The following ADGRL3 variants were observed in gnomAD, a reference collection of about 807,000 sequenced individuals.
ADGRL3 encodes adhesion G protein-coupled receptor L3, also known as calcium-independent alpha-latrotoxin receptor 3.
Under a neutral mutation model 153.5 loss-of-function variants are expected in ADGRL3, and 62 were observed. That is an observed-to-expected ratio of 0.40 (90% CI 0.33 to 0.50). The LOEUF is 0.50. Among genes scored for constraint, ADGRL3 ranks in the 20% least tolerant of loss-of-function variants. The pLI, the probability that ADGRL3 is intolerant of heterozygous loss-of-function variation, is 0.47. For missense variants in ADGRL3, 1,641 were observed against 1,859.4 expected, an observed-to-expected ratio of 0.88 and a Z score of 2.16; for synonymous variants, 710 against 672.5, an observed-to-expected ratio of 1.06 and a Z score of -0.86.
intron 9 of ADGRL3, among the ~76,000 whole-genome samples, chr4:61,835,254 C>G (rs2148917029): frequency 6.7e-6 from 1 of 148,810 alleles, no homozygotes; most frequent in African/African-American, 2.5e-5. Flanking sequence ...GGCTCCTCCT[C>G]TGTTTTTCCC....
At chr4:61,792,690 A>G (rs2097358013) in intron 8 of ADGRL3, among the ~76,000 whole-genome samples, 1 of 151,848 alleles carries the variant, frequency 6.6e-6, no homozygotes, top group African/African-American at 2.4e-5. Context: ...GAGTTTCACC[A>G]TGTTGGTCAT....
intron 13 of ADGRL3, among the ~76,000 whole-genome samples, chr4:61,913,569 G>A (rs2098731932): frequency 6.6e-6 from 1 of 152,126 alleles, no homozygotes; most frequent in African/African-American, 2.4e-5. Flanking sequence ...TATGAGATTG[G>A]CAGTTTAAAA....
chr4:61,456,380 T>G (rs1578962587), intron 2 of ADGRL3, among the ~76,000 whole-genome samples: 1 of 105,914 alleles, frequency 9.4e-6, no homozygotes, highest in African/African-American at 3.4e-5. Context: ...TATATCTATA[T>G]ATATATATAG....
chr4:61,886,824 T>A (rs2098542276), intron 9 of ADGRL3, among the ~76,000 whole-genome samples: 1 of 151,772 alleles, frequency 6.6e-6, no homozygotes, highest in Non-Finnish European at 1.5e-5. Context: ...TTTTTTGTAT[T>A]TTTAGTAGAG....
intron 3 of ADGRL3, among the ~76,000 whole-genome samples, chr4:61,511,010 T>TA (rs1299051883): frequency 3.3e-5 from 5 of 152,284 alleles, no homozygotes; most frequent in East Asian, 1.9e-4. Flanking sequence ...CTAGATTTTT[T>TA]ATTTTCTTGA....
intron 6 of ADGRL3, among the ~76,000 whole-genome samples, chr4:61,692,656 C>G (rs893569194): frequency 6.6e-6 from 1 of 152,042 alleles, no homozygotes; most frequent in Non-Finnish European, 1.5e-5. Context: ...GTTGGCTAGG[C>G]TGGTCTCGAA....
At chr4:61,820,950 G>A (rs1469774048) in intron 9 of ADGRL3, among the ~76,000 whole-genome samples, 1 of 152,140 alleles carries the variant, frequency 6.6e-6, no homozygotes, top group Non-Finnish European at 1.5e-5. Flanking sequence ...GGTTGGGTGG[G>A]AATTTGTGTT....
chr4:61,577,340 A>G (rs1175697391), intron 4 of ADGRL3, among the ~76,000 whole-genome samples: 1 of 151,914 alleles, frequency 6.6e-6, no homozygotes, highest in Non-Finnish European at 1.5e-5. Flanking sequence ...CAAAATTAAA[A>G]TTTTGTATAG....
At chr4:61,811,268 A>G (rs1041584561) in intron 8 of ADGRL3, among the ~76,000 whole-genome samples, 3 of 152,272 alleles carry the variant, frequency 2.0e-5, no homozygotes, top group East Asian at 3.9e-4. Context: ...TAAATGTAGT[A>G]TGTCTATGCA....
intron 1 of ADGRL3, among the ~76,000 whole-genome samples, chr4:61,358,034 A>G (rs2096210642): frequency 6.6e-6 from 1 of 152,168 alleles, no homozygotes; most frequent in Non-Finnish European, 1.5e-5. Flanking sequence ...TGCTGATCAA[A>G]TATTTCTCTT....
At chr4:61,653,166 TCTCTCACACACACACACA>T (rs2094325437) in intron 5 of ADGRL3, among the ~76,000 whole-genome samples, 1 of 135,042 alleles carries the variant, frequency 7.4e-6, no homozygotes, top group African/African-American at 2.9e-5. Context: ...TCTCTCTCTC[TCTCTCACACACACACACA>T]CACACACACA....
intron 25 of ADGRL3, among the ~76,000 whole-genome samples, chr4:62,053,871 G>A (rs1735581206): frequency 6.6e-6 from 1 of 151,404 alleles, no homozygotes; most frequent in Non-Finnish European, 1.5e-5. Context: ...CCAATACTGG[G>A]CAGTGAGTTA....
At chr4:61,848,337 G>A (rs970519131) in intron 9 of ADGRL3, among the ~76,000 whole-genome samples, 4 of 150,790 alleles carry the variant, frequency 2.7e-5, no homozygotes, top group Non-Finnish European at 5.9e-5. Flanking sequence ...AAGCCTCTAG[G>A]GTAGGATCCT....
At chr4:61,674,241 A>G (rs1236364735) in intron 5 of ADGRL3, among the ~76,000 whole-genome samples, 2 of 151,596 alleles carry the variant, frequency 1.3e-5, no homozygotes, top group African/African-American at 4.8e-5. Flanking sequence ...CTATATAAAC[A>G]TAACCATTTG....
chr4:61,705,698 C>G (rs879051412), intron 6 of ADGRL3, among the ~76,000 whole-genome samples: 1 of 151,972 alleles, frequency 6.6e-6, no homozygotes, highest in Non-Finnish European at 1.5e-5. Flanking sequence ...AGGGTTTCGC[C>G]ATGTTGTCCA....
intron 1 of ADGRL3, among the ~76,000 whole-genome samples, chr4:61,264,023 T>A (rs947213506): frequency 6.6e-6 from 1 of 152,018 alleles, no homozygotes; most frequent in African/African-American, 2.4e-5. Flanking sequence ...AGGAAACAAG[T>A]AGATTTTCAG....
intron 1 of ADGRL3, among the ~76,000 whole-genome samples, chr4:61,284,319 C>A (rs529147366): frequency 6.6e-6 from 1 of 151,954 alleles, no homozygotes; most frequent in South Asian, 2.1e-4. Flanking sequence ...TTACTTAAAA[C>A]ATAGACTCAA....
chr4:61,551,885 T>A (rs903733360), intron 4 of ADGRL3, among the ~76,000 whole-genome samples: 3 of 152,208 alleles, frequency 2.0e-5, no homozygotes, highest in Admixed American at 6.5e-5. Flanking sequence ...TGTATGTTTA[T>A]ATACACTTAT....
At chr4:61,411,675 A>C (rs1198324319) in intron 2 of ADGRL3, among the ~76,000 whole-genome samples, 1 of 152,092 alleles carries the variant, frequency 6.6e-6, no homozygotes, top group Admixed American at 6.5e-5. Context: ...AAAAATTACC[A>C]GTTCTCTTAA....
Sources: gnomAD v4.1 joint callset for allele counts (sites outside exome capture counted in the v4.1 genomes callset) on GRCh38, gnomAD v4.1.1 for gene constraint, MANE v1.5 for transcripts, NCBI Gene and HGNC (gene_info 2026-07-23, HGNC 2026-07-21) for gene names.